The following VTI1A variants were observed in gnomAD, a reference collection of about 807,000 sequenced individuals.
The protein encoded by VTI1A is vesicle transport through interaction with t-SNAREs homolog 1A.
Under a neutral mutation model 34.9 loss-of-function variants are expected in VTI1A, and 22 were observed. That is an observed-to-expected ratio of 0.63 (90% CI 0.45 to 0.90). The LOEUF (loss-of-function observed/expected upper bound fraction) is 0.90. Ranked by LOEUF, VTI1A falls within the 40% of genes least tolerant of loss-of-function variation. VTI1A has a pLI of 0.00. For synonymous variants in VTI1A, 87 were observed against 97.3 expected, an observed-to-expected ratio of 0.89 and a Z score of 0.62; for missense variants, 268 against 275.6, an observed-to-expected ratio of 0.97 and a Z score of 0.20.
chr10:112,576,061 C>G (rs1336486565), intron 5 of VTI1A, among the ~76,000 whole-genome samples: 1 of 142,358 alleles, frequency 7.0e-6, no homozygotes, highest in Non-Finnish European at 1.5e-5. Context: ...CGCTCTTTCG[C>G]CCAGGCCGGA....
intron 7 of VTI1A, among the ~76,000 whole-genome samples, chr10:112,714,343 C>T (rs940717943): frequency 6.6e-6 from 1 of 152,092 alleles, no homozygotes; most frequent in Non-Finnish European, 1.5e-5. Flanking sequence ...TTCTTTTTAT[C>T]GCATATATCA....
intron 2 of VTI1A, among the ~76,000 whole-genome samples, chr10:112,462,223 G>C (rs1280997884): frequency 6.6e-6 from 1 of 152,158 alleles, no homozygotes; most frequent in East Asian, 1.9e-4. Context: ...TTGTGTTTCT[G>C]CTGACCATCT....
rs556486547 is a variant in VTI1A, at chr10:112,471,283, A to G, written c.264+6626A>G. 6.7e-4 allele frequency among the ~76,000 whole-genome samples: 102 copies of G among 152,024 alleles called. 1 individual carries two copies. Among genetic ancestry groups the G allele is most frequent in the African/African-American group, 2.4e-3 (100 of 41,454 alleles). ...CGTGTGTGTGGGAGGGTGTTAAGGA[A>G]AGTTAGGGGTCATACTTACGTGCCC... On this transcript the variant is annotated intron_variant, in intron 3 of 7. Coordinates refer to ENST00000393077, the MANE Select transcript of VTI1A (RefSeq NM_145206.4).
At chr10:112,707,481 G>A (rs926818184) in intron 7 of VTI1A, among the ~76,000 whole-genome samples, 3 of 151,994 alleles carry the variant, frequency 2.0e-5, no homozygotes, top group Non-Finnish European at 4.4e-5. Flanking sequence ...TTACAGGCAC[G>A]CGCCCCCATG....
In VTI1A at chr10:112,815,701, A is replaced by G. The variant is rs188510068; in HGVS notation, c.*318A>G. The stretch of plus-strand genomic sequence containing the variant: ...CACTCCTAGCCCTCTGGACGTGTCA[A>G]GGGCCGTGGTTTGGGAGAGGACATG... On this transcript the variant is annotated 3_prime_UTR_variant, in exon 8 of 8. Transcript: ENST00000393077. 3.0e-5 allele frequency: 10 copies of G among 330,876 alleles called. No individual in the cohort carries two copies. The Admixed American group carries it at 4.1e-4, about 14-fold the overall frequency. 20.5% of individuals were successfully genotyped at this position (330,876 alleles called of 1,614,324 possible).
At chr10:112,738,201 C>A (rs546774029) in intron 7 of VTI1A, among the ~76,000 whole-genome samples, 2 of 152,318 alleles carry the variant, frequency 1.3e-5, no homozygotes, top group South Asian at 4.1e-4. Context: ...GTGGCACCAT[C>A]CCTGGCGAGC....
chr10:112,794,762 G>A (rs1340902135), intron 7 of VTI1A, among the ~76,000 whole-genome samples: 1 of 151,992 alleles, frequency 6.6e-6, no homozygotes, highest in Non-Finnish European at 1.5e-5. Context: ...GAAAATTAGT[G>A]GTCCTAATGA....
downstream of VTI1A, among the ~76,000 whole-genome samples, chr10:112,820,158 A>G (rs1853628037): frequency 6.6e-6 from 1 of 152,206 alleles, no homozygotes; most frequent in African/African-American, 2.4e-5. Context: ...GCTTTGGAGG[A>G]TCTCAAGCCT....
At chr10:112,481,004 G>C (rs987610425) in intron 3 of VTI1A, among the ~76,000 whole-genome samples, 1 of 152,138 alleles carries the variant, frequency 6.6e-6, no homozygotes, top group Admixed American at 6.5e-5. Flanking sequence ...AAGTTGAGCA[G>C]CTCAGCCTTT....
At chr10:112,782,320 G>T (rs141834674) in intron 7 of VTI1A, among the ~76,000 whole-genome samples, 2 of 152,240 alleles carry the variant, frequency 1.3e-5, no homozygotes, top group Non-Finnish European at 2.9e-5. Flanking sequence ...ACCTCACGCC[G>T]ACTTGGAGGC....
the VTI1A span, among the ~76,000 whole-genome samples, chr10:112,840,007 G>A: frequency 1.3e-5 from 2 of 152,124 alleles, no homozygotes; most frequent in African/African-American, 4.8e-5. Flanking sequence ...TGAGGATAAA[G>A]AGCTGAGAGA....
chr10:112,792,920 G>A (rs1852537812), intron 7 of VTI1A, among the ~76,000 whole-genome samples: 1 of 152,226 alleles, frequency 6.6e-6, no homozygotes, highest in African/African-American at 2.4e-5. Flanking sequence ...TATGCTTTCA[G>A]TTGTTAATTG....
At chr10:112,518,856 A>C (rs754297065) in intron 3 of VTI1A, among the ~76,000 whole-genome samples, 4 of 151,794 alleles carry the variant, frequency 2.6e-5, no homozygotes, top group Non-Finnish European at 4.4e-5. Flanking sequence ...AAAATGGAGA[A>C]TCTTTCAGGA....
chr10:112,482,853 C>T (rs1848499074), intron 3 of VTI1A, among the ~76,000 whole-genome samples: 2 of 152,234 alleles, frequency 1.3e-5, no homozygotes, highest in African/African-American at 4.8e-5. Context: ...TGCATATGCC[C>T]ATGCTTCTCA....
intron 5 of VTI1A, among the ~76,000 whole-genome samples, chr10:112,635,220 G>A (rs1477035163): frequency 6.6e-6 from 1 of 152,202 alleles, no homozygotes; most frequent in Non-Finnish European, 1.5e-5. Flanking sequence ...GATAATGCAG[G>A]CATGTAAATC....
chr10:112,786,388 A>G (rs1438299654), intron 7 of VTI1A, among the ~76,000 whole-genome samples: 2 of 152,180 alleles, frequency 1.3e-5, no homozygotes, highest in African/African-American at 4.8e-5. Context: ...GTGAATGACA[A>G]CAATTTTCCT....
chr10:112,638,585 T>G (rs188074644), intron 5 of VTI1A, among the ~76,000 whole-genome samples: 27 of 152,288 alleles, frequency 1.8e-4, no homozygotes, highest in Admixed American at 1.2e-3. Context: ...TTTTGAAATG[T>G]AACCTATTAC....
intron 7 of VTI1A, among the ~76,000 whole-genome samples, chr10:112,762,023 A>C (rs1218731787): frequency 6.6e-6 from 1 of 152,190 alleles, no homozygotes; most frequent in Non-Finnish European, 1.5e-5. Flanking sequence ...GTTCTTTGAC[A>C]GTTGTTGCAC....
intron 5 of VTI1A, among the ~76,000 whole-genome samples, chr10:112,609,365 C>G (rs1845205621): frequency 6.6e-6 from 1 of 152,114 alleles, no homozygotes; most frequent in African/African-American, 2.4e-5. Flanking sequence ...ATATGAAAAA[C>G]TTCTTTTGGG....
Sources: gnomAD v4.1 joint callset for allele counts (sites outside exome capture counted in the v4.1 genomes callset) on GRCh38, gnomAD v4.1.1 for gene constraint, MANE v1.5 for transcripts, NCBI Gene and HGNC (gene_info 2026-07-23, HGNC 2026-07-21) for gene names.